The following CTNNA1 variants were observed in gnomAD, a reference collection of about 807,000 sequenced individuals.
CTNNA1 encodes the protein catenin alpha 1, also known as catenin alpha-1.
CTNNA1 carries 37 observed loss-of-function variants against 98.4 expected under a neutral mutation model. The observed-to-expected ratio is 0.38, with a 90% confidence interval of 0.29 to 0.49. The LOEUF (loss-of-function observed/expected upper bound fraction) is 0.49, where lower values mean the gene tolerates loss of function less well. CTNNA1 is among the 20% of genes least tolerant of loss of function. CTNNA1 has a pLI of 0.95. For synonymous variants in CTNNA1, 404 were observed against 413.2 expected, an observed-to-expected ratio of 0.98 and a Z score of 0.27; for missense variants, 761 against 1,147.2, an observed-to-expected ratio of 0.66 and a Z score of 4.86.
At chr5:138,903,752 T>C (rs1758585686) in intron 9 of CTNNA1, among the ~76,000 whole-genome samples, 1 of 152,232 alleles carries the variant, frequency 6.6e-6, no homozygotes, top group Admixed American at 6.5e-5. Context: ...CTTTTAACTA[T>C]GAAACATAAC....
chr5:138,819,784 CA>C (rs1407332006), intron 5 of CTNNA1, among the ~76,000 whole-genome samples: 1 of 145,038 alleles, frequency 6.9e-6, no homozygotes, highest in Non-Finnish European at 1.5e-5. Flanking sequence ...TGTCCCCCCC[CA>C]AATCTCGTGT....
At chr5:138,778,900 A>G (rs1017215950) in intron 1 of CTNNA1, among the ~76,000 whole-genome samples, 1 of 151,400 alleles carries the variant, frequency 6.6e-6, no homozygotes, top group African/African-American at 2.4e-5. Context: ...TTTTTTTGAG[A>G]TGGAATCTTG....
chr5:138,756,163 A>G (rs998341338), intron 1 of CTNNA1, among the ~76,000 whole-genome samples: 41 of 151,700 alleles, frequency 2.7e-4, no homozygotes, highest in African/African-American at 9.7e-4. Context: ...CTCAACCTCA[A>G]GGAGCTGGGA....
chr5:138,782,192 A>T, intron 2 of CTNNA1, 163 bp downstream of exon 2: 1 of 700,484 alleles, frequency 1.4e-6, no homozygotes, highest in South Asian at 1.7e-5. Context: ...GGTTTAGTTA[A>T]CCCTTGAGAA....
intron 16 of CTNNA1, chr5:138,931,704 ACTTC>A: frequency 9.1e-6 from 9 of 985,176 alleles, no homozygotes; most frequent in Non-Finnish European, 1.1e-5. Flanking sequence ...TCCTCTCTCC[ACTTC>A]CTTCTGCATC....
In CTNNA1 at chr5:138,775,254, C is replaced by T. The variant is rs547677950; in HGVS notation, c.-2-6669C>T. 4.7e-4 allele frequency among the ~76,000 whole-genome samples: 72 copies of T among 152,340 alleles called. No individual in the cohort carries two copies. Among genetic ancestry groups the T allele is most frequent in the Non-Finnish European group, 9.3e-4 (63 of 68,036 alleles). On this transcript the variant is annotated intron_variant, in intron 1 of 17. Coordinates refer to ENST00000302763, the MANE Select transcript of CTNNA1 (RefSeq NM_001903.5). ...AAATAGTTCTTCTGAAATGTCTTATCTGTGACATTTGATGACATTTGGTTG... is the reference window on the plus strand; with the variant it reads ...AAATAGTTCTTCTGAAATGTCTTATTTGTGACATTTGATGACATTTGGTTG...
chr5:138,891,070 T>C (rs1755237094), intron 9 of CTNNA1: 1 of 152,244 alleles, frequency 6.6e-6, no homozygotes, highest in Admixed American at 6.5e-5. Context: ...GTCGATCCTT[T>C]TTATGGTTGT....
intron 7 of CTNNA1, chr5:138,872,515 C>A (rs1377571049): frequency 6.6e-6 from 1 of 152,662 alleles, no homozygotes; most frequent in Non-Finnish European, 1.5e-5. Flanking sequence ...CTACTTCCCA[C>A]CCTGGCAAGA....
intron 7 of CTNNA1, among the ~76,000 whole-genome samples, chr5:138,857,775 C>A (rs1350677846): frequency 6.6e-6 from 1 of 152,188 alleles, no homozygotes; most frequent in Non-Finnish European, 1.5e-5. Flanking sequence ...TACTTTGAAC[C>A]CAGCCTGGCT....
intron 3 of CTNNA1, among the ~76,000 whole-genome samples, chr5:138,787,379 C>T (rs1283403409): frequency 6.6e-6 from 1 of 151,998 alleles, no homozygotes; most frequent in Non-Finnish European, 1.5e-5. Flanking sequence ...GACCGTGCCA[C>T]TGCACTCCAG....
chr5:138,877,333 C>T (rs916059462), intron 7 of CTNNA1, among the ~76,000 whole-genome samples: 9 of 152,080 alleles, frequency 5.9e-5, no homozygotes, highest in Non-Finnish European at 8.8e-5. Flanking sequence ...AGGTTGAGTC[C>T]GATTCCTACA....
chr5:138,907,448 T>C (rs1344531193), intron 10 of CTNNA1, among the ~76,000 whole-genome samples: 1 of 152,264 alleles, frequency 6.6e-6, no homozygotes, highest in African/African-American at 2.4e-5. Context: ...TTCTGTGTGC[T>C]GCCTCTGGCC....
At chr5:138,811,262 T>C (rs1758738760) in intron 4 of CTNNA1, among the ~76,000 whole-genome samples, 3 of 130,440 alleles carry the variant, frequency 2.3e-5, no homozygotes, top group Non-Finnish European at 3.3e-5. Flanking sequence ...GCAGAGGCGC[T>C]CCTCACATCC....
At chr5:138,932,896 C>A in intron 17 of CTNNA1, 184 bp downstream of exon 17, 2 of 835,596 alleles carry the variant, frequency 2.4e-6, no homozygotes, top group Non-Finnish European at 4.1e-6. Flanking sequence ...AGAACTGTGA[C>A]ACCTGCGGGG....
At chr5:138,908,064 G>A (rs1381576538) in intron 10 of CTNNA1, among the ~76,000 whole-genome samples, 2 of 151,432 alleles carry the variant, frequency 1.3e-5, no homozygotes, top group African/African-American at 2.4e-5. Flanking sequence ...TGCAACCTCC[G>A]CCTCCAGGGT....
intron 5 of CTNNA1, among the ~76,000 whole-genome samples, chr5:138,819,783 C>G (rs550033489): frequency 6.7e-6 from 1 of 148,300 alleles, no homozygotes; most frequent in Admixed American, 7.0e-5. Flanking sequence ...GTGTCCCCCC[C>G]CAAATCTCGT....
intron 12 of CTNNA1, 34 bp downstream of exon 12, chr5:138,924,744 C>T: frequency 1.3e-6 from 2 of 1,532,708 alleles, no homozygotes; most frequent in Non-Finnish European, 1.8e-6. Context: ...TGCTCGCACA[C>T]ACCGCAGCCT....
chr5:138,834,465 A>T (rs865874567), intron 7 of CTNNA1, among the ~76,000 whole-genome samples: 2 of 152,188 alleles, frequency 1.3e-5, no homozygotes, highest in Non-Finnish European at 2.9e-5. Context: ...GCTGAGAGAC[A>T]TTTTATCCCC....
At chr5:138,817,800 T>A (rs1192696663) in intron 5 of CTNNA1, among the ~76,000 whole-genome samples, 1 of 152,236 alleles carries the variant, frequency 6.6e-6, no homozygotes, top group Non-Finnish European at 1.5e-5. Flanking sequence ...TTCTTTTTGT[T>A]GAATTTCTCA....
Sources: gnomAD v4.1 joint callset for allele counts (sites outside exome capture counted in the v4.1 genomes callset) on GRCh38, gnomAD v4.1.1 for gene constraint, MANE v1.5 for transcripts, NCBI Gene and HGNC (gene_info 2026-07-23, HGNC 2026-07-21) for gene names.